Variants in MPND observed in about 807,000 individuals in gnomAD.
MPND encodes the protein MPN domain containing, also known as MPN domain-containing protein.
In MPND, 56 loss-of-function variants were observed where a neutral mutation model predicts 59.2. The observed-to-expected ratio is 0.95, with a 90% CI of 0.76 to 1.18. The LOEUF (loss-of-function observed/expected upper bound fraction) is 1.18. Ranked by LOEUF, MPND falls within the 50% of genes most tolerant of loss-of-function variation. The pLI is 0.00. For synonymous variants in MPND, 323 were observed against 291.9 expected (o/e 1.11, Z -1.09); for missense variants, 671 against 676.0 (o/e 0.99, Z 0.08).
At chr19:4,355,313 A>G in intron 8 of MPND, 140 bp downstream of exon 8, 3 of 713,690 alleles carry the variant, frequency 4.2e-6, no homozygotes, top group Non-Finnish European at 4.7e-6. Flanking sequence ...TTGGGACCCC[A>G]TGGTGAAGGG....
intron 10 of MPND, chr19:4,357,846 C>T: frequency 6.6e-6 from 4 of 607,330 alleles, no homozygotes; most frequent in Non-Finnish European, 1.2e-5. Context: ...CAATCCTGCC[C>T]TGAAGTCAGA....
chr19:4,347,581 T>A (rs1348109428), intron 3 of MPND, among the ~76,000 whole-genome samples: 1 of 151,954 alleles, frequency 6.6e-6, no homozygotes, highest in Non-Finnish European at 1.5e-5. Context: ...ATGTACGAAG[T>A]TTATTGCATG....
rs866641963 is a variant in MPND, at chr19:4,358,180, C to T, written c.1326+8C>T. On this transcript the variant is annotated splice_region_variant and intron_variant, in intron 11 of 12. Transcript: ENST00000599840. ...GACATCCTTCACGAGATGGTGAGCT[C>T]GCTGCGGGGCGGGCAGGCAGGGGCT... 10 of 1,550,416 alleles carry T rather than the reference C, an allele frequency of 6.4e-6. No individual in the cohort carries two copies. Among genetic ancestry groups the T allele is most frequent in the East Asian group, 2.4e-5 (1 of 40,898 alleles).
Position 4,354,144 on chromosome 19 carries a change from A to G in MPND, c.749+15A>G, listed in dbSNP as rs780573686. The G allele has an allele frequency of 1.3e-5, 21 of 1,603,990 alleles. No homozygotes were observed. In the South Asian group the frequency reaches 1.9e-4, roughly 14 times the overall value. On this transcript the variant is annotated intron_variant, in intron 5 of 12. Coordinates refer to ENST00000599840, the MANE Select transcript of MPND (RefSeq NM_001300862.2). Reference sequence around the variant, plus strand: ...GACTTGGCCAGGTCAGACTCACCCCAAGTTCTGCCCCTGCCCCAGCTCACC... The same window carrying G: ...GACTTGGCCAGGTCAGACTCACCCCGAGTTCTGCCCCTGCCCCAGCTCACC...
chr19:4,357,332 C>T lies in MPND; in HGVS notation c.1076C>T (p.Ser359Phe). The T allele has an allele frequency of 6.2e-7, 1 of 1,613,242 alleles. No homozygotes were observed. Residue 359 changes from serine to phenylalanine, a missense_variant, in exon 9 of 13, where the codon TCT becomes TTT. By Grantham distance (155) the Ser-to-Phe change is radical (BLOSUM62 -2). Coordinates refer to ENST00000599840, the MANE Select transcript of MPND (RefSeq NM_001300862.2). Reference sequence around the variant, plus strand: ...CACCCACACAGCCCGGCGCTGCCATCTCTGCAGGACATCGACGCACAGATG... The same window carrying T: ...CACCCACACAGCCCGGCGCTGCCATTTCTGCAGGACATCGACGCACAGATG... ...HSHPHSPALPSLQDIDAQMDY... is the reference protein window; with the variant it reads ...HSHPHSPALPFLQDIDAQMDY...
rs755499894 is a variant in MPND at position 4,354,151 on chromosome 19, G to T, written c.749+22G>T. On this transcript the variant is annotated intron_variant, in intron 5 of 12. Transcript: ENST00000599840. Reference sequence around the variant, plus strand: ...CCAGGTCAGACTCACCCCAAGTTCTGCCCCTGCCCCAGCTCACCTGGATCT... The same window carrying T: ...CCAGGTCAGACTCACCCCAAGTTCTTCCCCTGCCCCAGCTCACCTGGATCT... 4 of 1,599,402 alleles carry T rather than the reference G, an allele frequency of 2.5e-6. No homozygotes were observed. The South Asian group carries it at 4.4e-5, about 18-fold the overall frequency.
At chr19:4,349,822 A>G (rs972921160) in intron 3 of MPND, among the ~76,000 whole-genome samples, 6 of 152,172 alleles carry the variant, frequency 3.9e-5, no homozygotes, top group Non-Finnish European at 7.4e-5. Context: ...GTCAAGAGCA[A>G]TGTCCTTTCT....
In MPND at chr19:4,354,119, G is replaced by A. The variant is rs753357908; in HGVS notation, c.739G>A (p.Asp247Asn). ...CCGCTACTGCATGCTGGGCAGCCGC[G>A]ACTTGGCCAGGTCAGACTCACCCCA... is the stretch of plus-strand genomic sequence containing the variant. ...PVRYCMLGSR[D>N]LARNPHTLVE... The change falls in exon 5 of 13, where the codon GAC (aspartate) becomes AAC (asparagine). Residue 247 changes from aspartate (D) to asparagine (N), a missense_variant. Asp to Asn is a conservative substitution (Grantham distance 23). Transcript: ENST00000599840. 7 of 1,611,864 alleles carry A rather than the reference G, an allele frequency of 4.3e-6. 1 individual carries two copies. Among genetic ancestry groups the A allele is most frequent in the African/African-American group, 2.7e-5 (2 of 75,008 alleles).
chr19:4,353,576 T>C (rs1972368559), intron 4 of MPND, among the ~76,000 whole-genome samples: 1 of 132,004 alleles, frequency 7.6e-6, no homozygotes, highest in African/African-American at 2.8e-5. Context: ...TTTTTTGTTT[T>C]TTTGAGACAG....
Position 4,354,109 on chromosome 19 carries a change from G to A in MPND, c.729G>A (p.Leu243=). ...KIRVPVRYCM[L]GSRDLARNPH... The stretch of plus-strand genomic sequence containing the variant: ...GGGTTCCGGTCCGCTACTGCATGCT[G>A]GGCAGCCGCGACTTGGCCAGGTCAG... Residue 243 remains leucine, a synonymous_variant, in exon 5 of 13, where the codon CTG becomes CTA. Transcript: ENST00000599840. 1 of 1,612,486 alleles carries A rather than the reference G, an allele frequency of 6.2e-7. No individual in the cohort carries two copies. The highest frequency in any genetic ancestry group is 1.7e-5 in the Admixed American group (1 of 59,990).
At chr19:4,353,265 T>C (rs1972362337) in intron 4 of MPND, among the ~76,000 whole-genome samples, 1 of 152,098 alleles carries the variant, frequency 6.6e-6, no homozygotes. Context: ...TATTTTATTT[T>C]ATATATTTAT....
In MPND at chr19:4,343,574, G is replaced by C. The variant is rs867919093; in HGVS notation, c.-20G>C. On this transcript the variant is annotated 5_prime_UTR_variant, in exon 1 of 13. Transcript: ENST00000599840. ...CCGGGAAGCCGGAGTCTAGAGCTCC[G>C]GGCGCGGGGAGGCGCGGCCATGGCA... 1.8e-4 allele frequency: 222 copies of C among 1,221,850 alleles called. 2 individuals are homozygous for C. The Middle Eastern group carries it at 4.4e-3, about 24-fold the overall frequency. 75.7% of individuals were successfully genotyped at this position (1,221,850 alleles called of 1,614,324 possible).
At chr19:4,357,073 T>A in intron 8 of MPND, 180 bp from the exon 9 acceptor site, 2 of 498,978 alleles carry the variant, frequency 4.0e-6, no homozygotes, top group East Asian at 6.8e-5. Context: ...AAGAGGTCCT[T>A]GTTGGCTGTC....
intron 3 of MPND, chr19:4,347,171 T>C (rs1023053642): frequency 2.6e-5 from 4 of 151,992 alleles, no homozygotes; most frequent in Non-Finnish European, 4.4e-5. Context: ...TTTGCTGTTA[T>C]CGCCTTCAAC....
At chr19:4,357,165 C>A in intron 8 of MPND, 88 bp from the exon 9 acceptor site, 1 of 1,414,626 alleles carries the variant, frequency 7.1e-7, no homozygotes, top group Non-Finnish European at 9.4e-7. Flanking sequence ...TGATACACAG[C>A]AGGAATTCGT....
At chr19:4,351,002 G>C (rs925582081) in intron 3 of MPND, among the ~76,000 whole-genome samples, 1 of 152,172 alleles carries the variant, frequency 6.6e-6, no homozygotes, top group Non-Finnish European at 1.5e-5. Flanking sequence ...GCTGTGCTGG[G>C]TCAGATGCTG....
intron 11 of MPND, 137 bp downstream of exon 11, chr19:4,358,309 C>A: frequency 2.7e-6 from 2 of 740,716 alleles, no homozygotes; most frequent in Admixed American, 2.2e-5. Flanking sequence ...GGGCTTCTTC[C>A]ATCACTCAGG....
At chr19:4,344,854 A>G (rs1334172949) in intron 2 of MPND, among the ~76,000 whole-genome samples, 1 of 135,888 alleles carries the variant, frequency 7.4e-6, no homozygotes, top group Non-Finnish European at 1.5e-5. Context: ...TTTCTGCCTC[A>G]GCCTCCCGAG....
At chr19:4,352,848 G>GGA in intron 3 of MPND, 49 bp from the exon 4 acceptor site, 1 of 1,312,416 alleles carries the variant, frequency 7.6e-7, no homozygotes, top group Non-Finnish European at 9.8e-7. Context: ...GAGCGGGGGG[G>GGA]CACCCAGCTG....
Sources: gnomAD v4.1 joint callset for allele counts (sites outside exome capture counted in the v4.1 genomes callset) on GRCh38, gnomAD v4.1.1 for gene constraint, MANE v1.5 for transcripts, NCBI Gene and HGNC (gene_info 2026-07-23, HGNC 2026-07-21) for gene names.